Variants in PRRX2 observed in about 807,000 individuals in gnomAD.
PRRX2 encodes the protein paired related homeobox 2.
PRRX2 carries 11 observed loss-of-function variants against 18.0 expected under a neutral mutation model. The ratio of observed to expected loss-of-function variants is 0.61; its 90% CI spans 0.39 to 1.01. PRRX2 has a LOEUF of 1.01. Among genes scored for constraint, PRRX2 ranks in the 50% least tolerant of loss-of-function variants. The pLI is 0.01. For missense variants in PRRX2, 387 were observed against 351.0 expected, an observed-to-expected ratio of 1.10 and a Z score of -0.82; for synonymous variants, 177 against 154.8, an observed-to-expected ratio of 1.14 and a Z score of -1.06.
At chr9:129,687,335 G>T (rs1157627271) in intron 1 of PRRX2, among the ~76,000 whole-genome samples, 1 of 152,192 alleles carries the variant, frequency 6.6e-6, no homozygotes, top group Non-Finnish European at 1.5e-5. Context: ...TGTTCAGCGG[G>T]CCCCTCGGGG....
chr9:129,711,646 C>T (rs1832622492), intron 1 of PRRX2, among the ~76,000 whole-genome samples: 1 of 152,034 alleles, frequency 6.6e-6, no homozygotes, highest in Admixed American at 6.6e-5. Flanking sequence ...TGACCTCAGG[C>T]ATTCCACTCG....
At chr9:129,684,614 A>G (rs909986041) in intron 1 of PRRX2, among the ~76,000 whole-genome samples, 2 of 152,124 alleles carry the variant, frequency 1.3e-5, no homozygotes, top group Non-Finnish European at 2.9e-5. Flanking sequence ...TGAACCAATC[A>G]TATGGCCAAG....
At chr9:129,706,883 A>G (rs978534919) in intron 1 of PRRX2, among the ~76,000 whole-genome samples, 2 of 152,206 alleles carry the variant, frequency 1.3e-5, no homozygotes, top group Admixed American at 6.5e-5. Context: ...TCCTCACTGC[A>G]GTCCCCCCAG....
chr9:129,717,695 CAAAA>C (rs568330077), intron 1 of PRRX2, among the ~76,000 whole-genome samples: 5,956 of 82,496 alleles, frequency 0.072, 342 homozygotes, highest in African/African-American at 0.2. Context: ...GACTCCGCCT[CAAAA>C]AAAAAAAAAA....
chr9:129,717,715 GAAAA>G (rs1260212620), intron 1 of PRRX2, among the ~76,000 whole-genome samples: 3 of 138,362 alleles, frequency 2.2e-5, no homozygotes, highest in Non-Finnish European at 3.2e-5. Flanking sequence ...AAAAAAAAAA[GAAAA>G]AGAAAAAAGA....
intron 1 of PRRX2, among the ~76,000 whole-genome samples, chr9:129,689,385 C>G (rs762816665): frequency 6.6e-6 from 1 of 152,244 alleles, no homozygotes; most frequent in Non-Finnish European, 1.5e-5. Flanking sequence ...TAGTGCTCCG[C>G]TTGAAGGAAT....
rs115334519 is a variant in PRRX2, at chr9:129,709,471, C to T, written c.260-9760C>T. On this transcript the variant is annotated intron_variant, in intron 1 of 3. Coordinates refer to ENST00000372469, the MANE Select transcript of PRRX2 (RefSeq NM_016307.4). This position sits in a 1 kb window ranked among gnomAD's most constrained non-coding sequence, Gnocchi z 4.2. ...CCATTCTTGCAGCCACACTGGCTAC[C>T]GGCCCCCAGGGCTGGGAGCAGGTCA... 0.017 allele frequency among the ~76,000 whole-genome samples: 2,526 copies of T among 152,078 alleles called. 76 individuals are homozygous for T. Among genetic ancestry groups the T allele is most frequent in the African/African-American group, 0.058 (2,395 of 41,498 alleles).
chr9:129,677,397 C>A (rs1349509734), intron 1 of PRRX2, among the ~76,000 whole-genome samples: 1 of 152,272 alleles, frequency 6.6e-6, no homozygotes, highest in Admixed American at 6.5e-5. Context: ...CACCTCACGC[C>A]GGTGCCTCAG....
At chr9:129,674,312 TA>T (rs918229418) in intron 1 of PRRX2, among the ~76,000 whole-genome samples, 3 of 152,144 alleles carry the variant, frequency 2.0e-5, no homozygotes, top group Non-Finnish European at 4.4e-5. Flanking sequence ...CCTTGTGTCC[TA>T]AAAATGAAGC....
rs1832093110 is a variant in PRRX2, at chr9:129,671,013, C to T, written c.259+4887C>T. 6.6e-6 allele frequency among the ~76,000 whole-genome samples: 1 copy of T among 152,194 alleles called. No homozygotes were observed. The highest frequency in any genetic ancestry group is 2.4e-5 in the African/African-American group (1 of 41,414). On this transcript the variant is annotated intron_variant, in intron 1 of 3. Coordinates refer to ENST00000372469, the MANE Select transcript of PRRX2 (RefSeq NM_016307.4). The surrounding 1 kb of genome is among the most constrained non-coding windows in gnomAD (Gnocchi z 4.0). ...TGACCTTGGGGGTGTCATGTCACCT[C>T]TCTGTGCCTCGTTCACCACCTGAAC...
chr9:129,679,499 C>T (rs1025292103), intron 1 of PRRX2, among the ~76,000 whole-genome samples: 4 of 152,144 alleles, frequency 2.6e-5, no homozygotes, highest in African/African-American at 9.7e-5. Context: ...GGTTTTATGA[C>T]CCCATTTTCT....
chr9:129,684,555 A>G (rs922858886), intron 1 of PRRX2, among the ~76,000 whole-genome samples: 4 of 148,652 alleles, frequency 2.7e-5, no homozygotes, highest in African/African-American at 1.0e-4. Flanking sequence ...AGAGACCAGA[A>G]ATCTCCGAAA....
intron 1 of PRRX2, among the ~76,000 whole-genome samples, chr9:129,668,798 AG>A (rs1460115007): frequency 4.7e-5 from 7 of 148,510 alleles, no homozygotes; most frequent in African/African-American, 1.8e-4. Flanking sequence ...AAAAAAAAAA[AG>A]AAAGAAAGAA....
intron 1 of PRRX2, among the ~76,000 whole-genome samples, chr9:129,668,007 C>T (rs1588159530): frequency 2.0e-5 from 3 of 152,294 alleles, no homozygotes; most frequent in East Asian, 3.9e-4. Flanking sequence ...GGGGTCTGGG[C>T]CAGGCTCCAG....
At chr9:129,666,214 G>A in intron 1 of PRRX2, 88 bp downstream of exon 1, 1 of 933,826 alleles carries the variant, frequency 1.1e-6, no homozygotes, top group Non-Finnish European at 1.3e-6. Flanking sequence ...GGCGCGGGGC[G>A]GGCGAAGATG....
At chr9:129,677,800 TAG>T (rs1263609030) in intron 1 of PRRX2, among the ~76,000 whole-genome samples, 3 of 152,108 alleles carry the variant, frequency 2.0e-5, no homozygotes, top group Non-Finnish European at 4.4e-5. Flanking sequence ...GGGAAATTGC[TAG>T]AGACAAGAAG....
intron 1 of PRRX2, among the ~76,000 whole-genome samples, chr9:129,680,079 G>A (rs1216103701): frequency 2.0e-5 from 3 of 152,104 alleles, no homozygotes; most frequent in African/African-American, 7.2e-5. Flanking sequence ...TTAGCTTTAC[G>A]CCTGCCTCGC....
chr9:129,691,170 C>CAAAA (rs59003962), intron 1 of PRRX2, among the ~76,000 whole-genome samples: 1 of 101,264 alleles, frequency 9.9e-6, no homozygotes, highest in Non-Finnish European at 2.2e-5. Flanking sequence ...GCTAAATATA[C>CAAAA]AAAAAAAAAA....
intron 1 of PRRX2, among the ~76,000 whole-genome samples, chr9:129,680,753 G>A (rs1295563405): frequency 1.3e-5 from 2 of 152,078 alleles, no homozygotes; most frequent in Non-Finnish European, 2.9e-5. Context: ...CCTGCCTGGC[G>A]ACCTGGGATC....
Sources: gnomAD v4.1 joint callset for allele counts (sites outside exome capture counted in the v4.1 genomes callset) on GRCh38, gnomAD v4.1.1 for gene constraint, Gnocchi (gnomAD v3.1) non-coding constraint, MANE v1.5 for transcripts, NCBI Gene and HGNC (gene_info 2026-07-23, HGNC 2026-07-21) for gene names.